The following METTL9 variants were observed in gnomAD, a reference collection of about 807,000 sequenced individuals.
METTL9 encodes methyltransferase 9, His-X-His N1(pi)-histidine.
A neutral mutation model predicts 36.0 loss-of-function variants in METTL9; 10 were observed. The observed-to-expected ratio is 0.28, with a 90% confidence interval of 0.17 to 0.47. The LOEUF (loss-of-function observed/expected upper bound fraction) is 0.47. Ranked by LOEUF, METTL9 falls within the 20% of genes least tolerant of loss-of-function variation. METTL9 has a pLI of 0.99. For synonymous variants in METTL9, 175 were observed against 149.7 expected, an observed-to-expected ratio of 1.17 and a Z score of -1.23; for missense variants, 246 against 383.5, an observed-to-expected ratio of 0.64 and a Z score of 3.00.
chr16:21,631,944 G>A (rs545684532), intron 4 of METTL9, among the ~76,000 whole-genome samples: 49 of 152,050 alleles, frequency 3.2e-4, no homozygotes, highest in East Asian at 1.9e-4. Context: ...CTCTCTCACT[G>A]ACTCCCTCTT....
chr16:21,630,136 C>G (rs1965916286), intron 4 of METTL9, among the ~76,000 whole-genome samples: 1 of 152,238 alleles, frequency 6.6e-6, no homozygotes, highest in Admixed American at 6.5e-5. Context: ...CCCACCCGAC[C>G]CAGAAGCCCA....
chr16:21,605,004 G>A (rs1361300034), intron 1 of METTL9, among the ~76,000 whole-genome samples: 1 of 152,084 alleles, frequency 6.6e-6, no homozygotes, highest in Non-Finnish European at 1.5e-5. Context: ...TTGTGTGCCA[G>A]GCACTTCAAA....
In METTL9 at chr16:21,627,226, G is replaced by A. The variant is rs73547805; in HGVS notation, c.751+2111G>A. The A allele has an allele frequency of 6.5e-5, 64 of 985,380 alleles. No homozygotes were observed. In the African/African-American group the frequency reaches 9.1e-4, roughly 14 times the overall value. 61.0% of individuals were successfully genotyped at this position (985,380 alleles called of 1,614,324 possible). A position where few individuals can be genotyped will look rare whatever the true frequency, so the allele number is the denominator to read the frequency against. ...GGACTGGGAGATGCAAAATGGTTTT[G>A]CTGTGTAGATTCATGAATGCTGGAC... On this transcript the variant is annotated intron_variant, in intron 4 of 4. Transcript: ENST00000358154.
intron 1 of METTL9, among the ~76,000 whole-genome samples, chr16:21,600,794 G>A (rs1280406968): frequency 6.6e-6 from 1 of 152,172 alleles, no homozygotes; most frequent in South Asian, 2.1e-4. Context: ...ATTGAAAAGA[G>A]GCTTTTGAAC....
At position 21,600,651 on chromosome 16, in the gene METTL9, T is replaced by TA. The variant is rs1258532049; in HGVS notation, c.165+754dup. Among the ~76,000 whole-genome samples the TA allele has an allele frequency of 3.9e-5, 6 of 152,204 alleles. No homozygotes were observed. In the South Asian group the frequency reaches 1.2e-3, roughly 32 times the overall value. On this transcript the variant is annotated intron_variant, in intron 1 of 4. Coordinates refer to ENST00000358154, the MANE Select transcript of METTL9 (RefSeq NM_016025.5). ...AGTTTTAGTTATGCATCGTGAGCGTTACGCTGTGACCGGGTAGGTAGGCTT... is the reference window on the plus strand; with the variant it reads ...AGTTTTAGTTATGCATCGTGAGCGTTAACGCTGTGACCGGGTAGGTAGGCTT...
At chr16:21,651,494 GT>G (rs1555493559) in intron 4 of METTL9, among the ~76,000 whole-genome samples, 1 of 151,742 alleles carries the variant, frequency 6.6e-6, no homozygotes, top group Non-Finnish European at 1.5e-5. Flanking sequence ...AGAAATGGGG[GT>G]CTCATTATGT....
At chr16:21,638,299 C>G (rs1167496521) in intron 4 of METTL9, among the ~76,000 whole-genome samples, 2 of 152,156 alleles carry the variant, frequency 1.3e-5, no homozygotes. Flanking sequence ...GCCTGAGCGT[C>G]AAGAGCAAAA....
chr16:21,604,167 C>T (rs572389972), intron 1 of METTL9, among the ~76,000 whole-genome samples: 19 of 152,280 alleles, frequency 1.2e-4, no homozygotes, highest in East Asian at 3.9e-4. Flanking sequence ...GAACTGCCTT[C>T]GAGAGTCTGG....
At chr16:21,644,174 A>G (rs1424767055) in intron 4 of METTL9, 3 of 710,972 alleles carry the variant, frequency 4.2e-6, no homozygotes, top group African/African-American at 1.8e-5. Context: ...TGCACAGGAA[A>G]ATGTTAATTA....
At chr16:21,640,744 G>C (rs906711066) in intron 4 of METTL9, 3 of 141,950 alleles carry the variant, frequency 2.1e-5, no homozygotes, top group African/African-American at 8.0e-5. Context: ...TCCACCCTGG[G>C]CAACAGAACG....
At chr16:21,627,927 T>G (rs1274633114) in intron 4 of METTL9, among the ~76,000 whole-genome samples, 1 of 152,166 alleles carries the variant, frequency 6.6e-6, no homozygotes, top group East Asian at 1.9e-4. Context: ...CACTCCAGCC[T>G]GGGTGACAGA....
chr16:21,634,535 G>T (rs1966038931), intron 4 of METTL9, among the ~76,000 whole-genome samples: 1 of 152,168 alleles, frequency 6.6e-6, no homozygotes, highest in Non-Finnish European at 1.5e-5. Flanking sequence ...GAACCACCAA[G>T]GTTTGTTTGT....
At chr16:21,612,931 A>C in intron 2 of METTL9, 96 bp downstream of exon 2, 1 of 1,079,366 alleles carries the variant, frequency 9.3e-7, no homozygotes, top group African/African-American at 1.6e-5. Flanking sequence ...CATGTTGACT[A>C]CCTGAGCTAC....
chr16:21,617,813 G>A, intron 2 of METTL9, 52 bp from the exon 3 acceptor site: 1 of 1,437,770 alleles, frequency 7.0e-7, no homozygotes, highest in South Asian at 1.1e-5. Flanking sequence ...GTGTATGTGA[G>A]GGGTGCTTAA....
At chr16:21,597,922 T>C (rs949025372), upstream of METTL9, 4 of 152,380 alleles carry the variant, frequency 2.6e-5, no homozygotes, top group Non-Finnish European at 2.9e-5. Context: ...AGGGAGTATA[T>C]TGGAAAGAGA....
At chr16:21,614,854 A>G (rs1198591453) in intron 2 of METTL9, among the ~76,000 whole-genome samples, 2 of 152,210 alleles carry the variant, frequency 1.3e-5, no homozygotes, top group Non-Finnish European at 2.9e-5. Flanking sequence ...TAGGATGGTT[A>G]TTAAACACTA....
Position 21,644,327 on chromosome 16 carries a change from A to G in METTL9, c.752-10900A>G, listed in dbSNP as rs768406130. On this transcript the variant is annotated intron_variant, in intron 4 of 4. Coordinates refer to ENST00000358154, the MANE Select transcript of METTL9 (RefSeq NM_016025.5). ...TATGAAGGCCACGCACACACCGGTC[A>G]CATAGACAGAGAGCAGTGATACAAG... 7 of 1,614,004 alleles carry G rather than the reference A, an allele frequency of 4.3e-6. No individual in the cohort carries two copies. In the Admixed American group the frequency reaches 8.3e-5, roughly 19 times the overall value.
chr16:21,656,168 C>T lies in METTL9; in HGVS notation c.*736C>T, dbSNP rs1475799242. The stretch of plus-strand genomic sequence containing the variant: ...CCAGCCTCATTCAGATACAGAACTT[C>T]AGGGACCCCTCCCCCCACCCCCCCA... On this transcript the variant is annotated 3_prime_UTR_variant, in exon 5 of 5. Coordinates refer to ENST00000358154, the MANE Select transcript of METTL9 (RefSeq NM_016025.5). 6.8e-6 allele frequency: 1 copy of T among 147,410 alleles called. No individual in the cohort carries two copies. The highest frequency in any genetic ancestry group is 1.5e-5 in the Non-Finnish European group (1 of 66,914). The allele number at this position is 147,410 out of a possible 1,614,324, so 9.1% of individuals were successfully genotyped here.
chr16:21,609,446 C>T (rs1965373950), intron 1 of METTL9, among the ~76,000 whole-genome samples: 1 of 152,002 alleles, frequency 6.6e-6, no homozygotes, highest in Non-Finnish European at 1.5e-5. Flanking sequence ...GTAAATATTA[C>T]CAAAGGGACA....
Sources: gnomAD v4.1 joint callset for allele counts (sites outside exome capture counted in the v4.1 genomes callset) on GRCh38, gnomAD v4.1.1 for gene constraint, MANE v1.5 for transcripts, NCBI Gene and HGNC (gene_info 2026-07-23, HGNC 2026-07-21) for gene names.